GRIN2A: variants seen among roughly 807,000 people sequenced by gnomAD.
GRIN2A encodes glutamate receptor ionotropic, NMDA 2A.
In GRIN2A, 22 loss-of-function variants were observed where a neutral mutation model predicts 113.4. The observed-to-expected ratio is 0.19, with a 90% CI of 0.14 to 0.28. The LOEUF (loss-of-function observed/expected upper bound fraction) is 0.28. Ranked by LOEUF, GRIN2A falls within the 10% of genes least tolerant of loss-of-function variation. The pLI is 1.00. For synonymous variants in GRIN2A, 827 were observed against 738.4 expected (o/e 1.12, Z -1.94); for missense variants, 1,502 against 1,887.0 (o/e 0.80, Z 3.78).
intron 11 of GRIN2A, among the ~76,000 whole-genome samples, chr16:9,793,780 TAAG>T (rs1490461197): frequency 6.6e-6 from 1 of 151,660 alleles, no homozygotes; most frequent in African/African-American, 2.4e-5. Context: ...TACACATACA[TAAG>T]AATATATACC....
At chr16:10,006,163 A>T (rs2046401519) in intron 2 of GRIN2A, among the ~76,000 whole-genome samples, 1 of 152,190 alleles carries the variant, frequency 6.6e-6, no homozygotes, top group South Asian at 2.1e-4. Flanking sequence ...CACCATCCTA[A>T]CTGCAGTCGT....
intron 2 of GRIN2A, among the ~76,000 whole-genome samples, chr16:9,963,876 CTATG>C (rs1405034635): frequency 1.2e-4 from 19 of 152,168 alleles, no homozygotes; most frequent in African/African-American, 4.3e-4. Flanking sequence ...CATTTTAGAG[CTATG>C]TGCCAGACAT....
At chr16:9,819,851 G>A (rs143665394) in intron 10 of GRIN2A, among the ~76,000 whole-genome samples, 239 of 148,962 alleles carry the variant, frequency 1.6e-3, no homozygotes, top group Middle Eastern at 6.8e-3. Flanking sequence ...AACCTGGGAG[G>A]TGGAGGTTGC....
chr16:10,178,751 G>T (rs141418265), intron 2 of GRIN2A, among the ~76,000 whole-genome samples: 1 of 152,220 alleles, frequency 6.6e-6, no homozygotes, highest in Non-Finnish European at 1.5e-5. Context: ...GGTAGGAATC[G>T]CTGAAACAGA....
chr16:9,809,743 TTAAAC>T (rs2042050227), intron 10 of GRIN2A, among the ~76,000 whole-genome samples: 2 of 152,162 alleles, frequency 1.3e-5, no homozygotes, highest in South Asian at 2.1e-4. Context: ...GCTGTGAAGA[TTAAAC>T]TAAGAGTTAC....
In GRIN2A at chr16:9,761,438, C is replaced by T. The variant is rs1900577766; in HGVS notation, c.*1711G>A. On this transcript the variant is annotated 3_prime_UTR_variant, in exon 13 of 13. Transcript: ENST00000330684. ...TTAGTGTTTCCGTAATGGCCCAAAA[C>T]AGACTGAGGTCTTCTGCAAACACTG... 1 of 231,344 alleles carries T rather than the reference C, an allele frequency of 4.3e-6. No individual in the cohort carries two copies. Among genetic ancestry groups the T allele is most frequent in the East Asian group, 6.1e-5 (1 of 16,282 alleles). 14.3% of individuals were successfully genotyped at this position (231,344 alleles called of 1,614,324 possible).
chr16:10,128,875 G>C (rs2049001980), intron 2 of GRIN2A, among the ~76,000 whole-genome samples: 1 of 152,194 alleles, frequency 6.6e-6, no homozygotes, highest in Admixed American at 6.5e-5. Context: ...TGCAACTGGA[G>C]AGTCATAGAA....
intron 10 of GRIN2A, among the ~76,000 whole-genome samples, chr16:9,820,278 A>T (rs1442516322): frequency 6.6e-6 from 1 of 152,218 alleles, no homozygotes. Flanking sequence ...ATTTGTGCGC[A>T]TGGTCTGTCC....
chr16:10,033,904 A>T (rs1239688767), intron 2 of GRIN2A: 4 of 152,350 alleles, frequency 2.6e-5, no homozygotes, highest in African/African-American at 9.7e-5. Context: ...AACCATAGGA[A>T]AGGCAGCTGA....
In GRIN2A at chr16:9,809,128, T is replaced by C. The variant is rs538167478; in HGVS notation, c.2169-10664A>G. ...TTCTGTGTGGACATATATTAATATATACAAATGCAGACCGGGCACGGTGGC... is the reference window on the plus strand; with the variant it reads ...TTCTGTGTGGACATATATTAATATACACAAATGCAGACCGGGCACGGTGGC... On this transcript the variant is annotated intron_variant, in intron 10 of 12. Coordinates refer to ENST00000330684, the MANE Select transcript of GRIN2A (RefSeq NM_001134407.3). 5.9e-5 allele frequency among the ~76,000 whole-genome samples: 9 copies of C among 152,270 alleles called. No homozygotes were observed. The East Asian group carries it at 1.7e-3, about 29-fold the overall frequency.
intron 7 of GRIN2A, among the ~76,000 whole-genome samples, chr16:9,837,174 A>G (rs544478224): frequency 6.6e-6 from 1 of 152,340 alleles, no homozygotes; most frequent in African/African-American, 2.4e-5. Context: ...TATGACTTTC[A>G]AAATCTGTAG....
chr16:10,060,306 G>A (rs2047529735), intron 2 of GRIN2A, among the ~76,000 whole-genome samples: 1 of 152,180 alleles, frequency 6.6e-6, no homozygotes, highest in African/African-American at 2.4e-5. Flanking sequence ...CGAACCACAT[G>A]CCGGGGTCTG....
At chr16:10,164,876 G>T (rs2049879527) in intron 2 of GRIN2A, among the ~76,000 whole-genome samples, 1 of 152,168 alleles carries the variant, frequency 6.6e-6, no homozygotes, top group African/African-American at 2.4e-5. Flanking sequence ...ATAACAATGA[G>T]TTAATATTTT....
chr16:10,021,154 G>C (rs1028889274), intron 2 of GRIN2A, among the ~76,000 whole-genome samples: 1 of 151,952 alleles, frequency 6.6e-6, no homozygotes, highest in Non-Finnish European at 1.5e-5. Context: ...GTGGGTGGGA[G>C]AGGGAAGACC....
Position 10,034,997 on chromosome 16 carries a change from C to T in GRIN2A, c.415-96446G>A, listed in dbSNP as rs12102565. 3.9e-3 allele frequency among the ~76,000 whole-genome samples: 588 copies of T among 152,304 alleles called. 3 individuals are homozygous for T. The highest frequency in any genetic ancestry group is 0.013 in the African/African-American group (538 of 41,558). On this transcript the variant is annotated intron_variant, in intron 2 of 12. Transcript: ENST00000330684. ...ATCCTGGCTCACAAATCCTTTACAA[C>T]ATGACAACATCTTTGACTTCATCTT...
chr16:10,122,584 G>A (rs1465648896), intron 2 of GRIN2A, among the ~76,000 whole-genome samples: 2 of 152,012 alleles, frequency 1.3e-5, no homozygotes, highest in Non-Finnish European at 2.9e-5. Flanking sequence ...TTTCCTAAAA[G>A]GCTCTTTTTG....
chr16:10,174,046 G>A lies in GRIN2A; in HGVS notation c.414+5952C>T, dbSNP rs191671350. Among the ~76,000 whole-genome samples, 295 of 152,218 alleles carry A rather than the reference G, an allele frequency of 1.9e-3. 2 individuals carry two copies. The highest frequency in any genetic ancestry group is 6.8e-3 in the African/African-American group (283 of 41,534). ...CCTAAAAATAAATGAACTGAAAGAC[G>A]GGACTCTAGGGTTTCAAGTAGGAAT... On this transcript the variant is annotated intron_variant, in intron 2 of 12. Transcript: ENST00000330684.
chr16:10,078,457 G>A (rs2047916985), intron 2 of GRIN2A, among the ~76,000 whole-genome samples: 1 of 138,896 alleles, frequency 7.2e-6, no homozygotes, highest in South Asian at 2.7e-4. Flanking sequence ...GGCAGATTAG[G>A]CAAGACAAGG....
At chr16:9,903,040 C>A (rs1160023371) in intron 3 of GRIN2A, among the ~76,000 whole-genome samples, 1 of 149,366 alleles carries the variant, frequency 6.7e-6, no homozygotes, top group East Asian at 2.0e-4. Context: ...ACGATCTCGG[C>A]TCATTGCAAC....
Sources: allele counts gnomAD v4.1 joint callset (sites outside exome capture counted in the v4.1 genomes callset), GRCh38; gene constraint gnomAD v4.1.1; transcripts MANE v1.5; gene names NCBI Gene and HGNC (gene_info 2026-07-23, HGNC 2026-07-21).